The following ARSL variants were observed in gnomAD, a reference collection of about 807,000 sequenced individuals.
ARSL encodes the protein arylsulfatase E (chondrodysplasia punctata 1).
A neutral mutation model predicts 31.1 loss-of-function variants in ARSL; 4 were observed. That is an observed-to-expected ratio of 0.13 (90% CI 0.06 to 0.29). The LOEUF (loss-of-function observed/expected upper bound fraction) is 0.29. Among genes scored for constraint, ARSL ranks in the 10% least tolerant of loss-of-function variants. The pLI is 1.00. For synonymous variants in ARSL, 198 were observed against 209.9 expected (o/e 0.94, Z 0.49); for missense variants, 312 against 497.8 (o/e 0.63, Z 3.55).
chrX:2,958,634 T>A (rs1404703672), intron 2 of ARSL, among the ~76,000 whole-genome samples, 199 bp from the exon 3 acceptor site: 1 of 111,915 alleles, frequency 8.9e-6, no homozygotes, highest in African/African-American at 3.3e-5. Context: ...GGCCTTGAAG[T>A]TTTTTGGGTT....
intron 6 of ARSL, 50 bp from the exon 7 acceptor site, chrX:2,946,184 AT>A: frequency 8.8e-7 from 1 of 1,139,495 alleles, no homozygotes; most frequent in South Asian, 1.8e-5. Flanking sequence ...TAAAACAGAG[AT>A]TGAAGTCCTG....
At chrX:2,963,506 T>C (rs1034336663) in intron 1 of ARSL, among the ~76,000 whole-genome samples, 2 of 107,313 alleles carry the variant, frequency 1.9e-5, no homozygotes, top group Non-Finnish European at 1.9e-5. Context: ...GGAAAAGTGC[T>C]CTTTTTCTAA....
chrX:2,959,594 G>A (rs2089575060), intron 2 of ARSL: 1 of 1,146,641 alleles, frequency 8.7e-7, no homozygotes. Flanking sequence ...GGTAGCGGTT[G>A]ATGCCCACCT....
chrX:2,952,982 C>A, intron 5 of ARSL, 161 bp downstream of exon 5: 1 of 616,268 alleles, frequency 1.6e-6, no homozygotes, highest in Admixed American at 3.3e-5. Flanking sequence ...ATCTACTTTG[C>A]AGAAAACAAC....
chrX:2,944,482 A>AAAAAAAAC (rs2089342065), intron 7 of ARSL, among the ~76,000 whole-genome samples: 1 of 108,432 alleles, frequency 9.2e-6, no homozygotes, highest in African/African-American at 3.5e-5. Context: ...ACAAAAAAAA[A>AAAAAAAAC]AAAACAAAAC....
At chrX:2,963,533 C>CTTT (rs769134287) in intron 1 of ARSL, among the ~76,000 whole-genome samples, 89 of 59,740 alleles carry the variant, frequency 1.5e-3, no homozygotes, top group East Asian at 2.8e-3. Context: ...TTTTCTTTTC[C>CTTT]TTTTTTTTTT....
At chrX:2,956,129 G>T (rs1291071245) in intron 3 of ARSL, among the ~76,000 whole-genome samples, 1 of 112,238 alleles carries the variant, frequency 8.9e-6, no homozygotes, top group Admixed American at 9.5e-5. Flanking sequence ...ATGCAGAACT[G>T]AGAGCCCAGG....
intron 2 of ARSL, chrX:2,959,933 A>G (rs766475301): frequency 4.0e-6 from 1 of 251,626 alleles, no homozygotes; most frequent in East Asian, 5.9e-5. Context: ...GGAAGGAAGA[A>G]AGAGAGAGAG....
rs764901573 is a variant in ARSL at position 2,934,946 on chromosome X, G to A, written c.1656C>T (p.Leu552=). ...QQAVWEHQRT[L]SPVPLQLDRL... ...TGTCCAGCTGCAGAGGAACTGGGCT[G>A]AGTGTCCGCTGGTGTTCCCACACCG... Residue 552 remains leucine, a synonymous_variant, in exon 11 of 11, where the codon CTC becomes CTT. Coordinates refer to ENST00000381134, the MANE Select transcript of ARSL (RefSeq NM_000047.3). 2.5e-6 allele frequency: 3 copies of A among 1,210,639 alleles called. No homozygotes were observed. Among genetic ancestry groups the A allele is most frequent in the South Asian group, 3.5e-5 (2 of 56,855 alleles).
intron 10 of ARSL, among the ~76,000 whole-genome samples, chrX:2,935,682 CTTTTCTTTTCTTT>C (rs1276514015): frequency 1.0e-5 from 1 of 96,680 alleles, no homozygotes; most frequent in African/African-American, 3.8e-5. Context: ...CTTTTCTTTT[CTTTTCTTTTCTTT>C]TTTTTTTTTT....
rs909457123 is a variant in ARSL at position 2,954,692 on chromosome X, T to C, written c.307+724A>G. ...AGGCCAACAGATCAGGAGATGACTG[T>C]CATTGGAGAGATAGTTTATTACTCA... On this transcript the variant is annotated intron_variant, in intron 4 of 10. Transcript: ENST00000381134. Among the ~76,000 whole-genome samples the C allele has an allele frequency of 2.7e-5, 3 of 111,596 alleles. No individual in the cohort carries two copies. The Admixed American group carries it at 2.9e-4, about 11-fold the overall frequency.
chrX:2,956,555 G>A (rs988112302), intron 3 of ARSL, among the ~76,000 whole-genome samples: 7 of 111,272 alleles, frequency 6.3e-5, no homozygotes, highest in African/African-American at 1.6e-4. Context: ...TCCCCCTCCC[G>A]GGTTCAAGTG....
intron 9 of ARSL, 129 bp from the exon 10 acceptor site, chrX:2,936,992 G>T: frequency 2.2e-6 from 2 of 923,436 alleles, no homozygotes; most frequent in Non-Finnish European, 1.5e-6. Context: ...GGGAAAGTCT[G>T]GGTGTGAACG....
rs73632983 is a variant in ARSL, at chrX:2,939,025, A to G, written c.1127-768T>C. Among the ~76,000 whole-genome samples the G allele has an allele frequency of 8.1e-3, 891 of 110,482 alleles. 12 individuals are homozygous for G. The highest frequency in any genetic ancestry group is 0.027 in the African/African-American group (825 of 30,355). ...CCAGAAAGAAGTGGATTCAATTGCAATGGATTGCACTTTAGTCCTCCTGAA... is the reference window on the plus strand; with the variant it reads ...CCAGAAAGAAGTGGATTCAATTGCAGTGGATTGCACTTTAGTCCTCCTGAA... On this transcript the variant is annotated intron_variant, in intron 8 of 10. Transcript: ENST00000381134.
chrX:2,952,296 C>G (rs1422252249), intron 5 of ARSL, among the ~76,000 whole-genome samples: 1 of 110,955 alleles, frequency 9.0e-6, no homozygotes, highest in South Asian at 3.8e-4. Flanking sequence ...GTTTGAGATG[C>G]CAAATATTTC....
At chrX:2,967,354 A>G (rs973447341), upstream of ARSL, among the ~76,000 whole-genome samples, 1 of 112,281 alleles carries the variant, frequency 8.9e-6, no homozygotes, top group African/African-American at 3.2e-5. Flanking sequence ...AACCCTTGGA[A>G]TGTTAAACAT....
At chrX:2,954,628 G>GTATTAT (rs761061951) in intron 4 of ARSL, among the ~76,000 whole-genome samples, 2,824 of 111,145 alleles carry the variant, frequency 0.025, 95 homozygotes, top group African/African-American at 0.087. Flanking sequence ...TAGGTGTTAT[G>GTATTAT]TATTATTATT....
At position 2,938,220 on chromosome X, in the gene ARSL, G is replaced by T. The variant is rs145964787; in HGVS notation, c.1164C>A (p.Arg388=). 2 of 1,212,185 alleles carry T rather than the reference G, an allele frequency of 1.6e-6. No homozygotes were observed. The highest frequency in any genetic ancestry group is 3.5e-5 in the African/African-American group (2 of 57,966). ...CGGGCCAGCGGAAGATCCCGGGCAC[G>T]CGGATCCCACCTTCCCATCCTCCCA... is the stretch of plus-strand genomic sequence containing the variant. ...KGMGGWEGGI[R]VPGIFRWPGV... is the part of the protein sequence containing the mutation. The change falls in exon 9 of 11, where the codon CGC becomes CGA. Residue 388 remains arginine, a synonymous_variant. Coordinates refer to ENST00000381134, the MANE Select transcript of ARSL (RefSeq NM_000047.3).
At chrX:2,945,162 C>A (rs990450160) in intron 7 of ARSL, among the ~76,000 whole-genome samples, 2 of 110,701 alleles carry the variant, frequency 1.8e-5, no homozygotes, top group African/African-American at 3.3e-5. Context: ...TGAAGAGGAG[C>A]CAGTGAAGCC....
Sources: gnomAD v4.1 joint callset for allele counts (sites outside exome capture counted in the v4.1 genomes callset) on GRCh38, gnomAD v4.1.1 for gene constraint, MANE v1.5 for transcripts, NCBI Gene and HGNC (gene_info 2026-07-23, HGNC 2026-07-21) for gene names.